The following C5 variants were observed in gnomAD, a reference collection of about 807,000 sequenced individuals.
C5 encodes the protein complement C5, also known as C3 and PZP-like alpha-2-macroglobulin domain-containing protein 4.
C5 carries 140 observed loss-of-function variants against 218.8 expected under a neutral mutation model. That is an observed-to-expected ratio of 0.64 (90% CI 0.56 to 0.74). The LOEUF (loss-of-function observed/expected upper bound fraction) is 0.74. Among genes scored for constraint, C5 ranks in the 30% least tolerant of loss-of-function variants. The pLI, the probability that C5 is intolerant of heterozygous loss-of-function variation, is 0.00. For missense variants in C5, 1,700 were observed against 1,969.6 expected (o/e 0.86, Z 2.59); for synonymous variants, 614 against 682.3 (o/e 0.90, Z 1.56).
chr9:121,063,479 A>G, the C5 span, among the ~76,000 whole-genome samples: 1 of 151,994 alleles, frequency 6.6e-6, no homozygotes, highest in Non-Finnish European at 1.5e-5. Flanking sequence ...CATACTGAAA[A>G]TATCTCACGT....
chr9:121,034,651 C>A, intron 5 of C5, 152 bp downstream of exon 5: 3 of 567,190 alleles, frequency 5.3e-6, no homozygotes, highest in South Asian at 4.7e-5. Context: ...TTGCCAAGAA[C>A]AGAGCTTAAG....
chr9:121,032,131 A>C lies in C5; in HGVS notation c.649T>G (p.Phe217Val), dbSNP rs1274941737. 1 of 1,603,538 alleles carries C rather than the reference A, an allele frequency of 6.2e-7. No homozygotes were observed. The highest frequency in any genetic ancestry group is 1.7e-5 in the Admixed American group (1 of 60,000). The change falls in exon 6 of 41, where the codon TTT becomes GTT. Residue 217 changes from phenylalanine (F) to valine (V), a missense_variant. Transcript: ENST00000223642. Reference protein sequence around the residue: ...EDFSTTGTAYFEVKEYVLPHF... With the variant: ...EDFSTTGTAYVEVKEYVLPHF... The stretch of plus-strand genomic sequence containing the variant: ...AAATTACCATATTCTTTAACTTCAA[A>C]ATATGCGGTTCCAGTTGTTGAAAAG...
At chr9:121,066,332 AAG>A in the C5 span, among the ~76,000 whole-genome samples, 2 of 149,880 alleles carry the variant, frequency 1.3e-5, no homozygotes, top group African/African-American at 4.9e-5. Flanking sequence ...AAAAAAAAAA[AAG>A]GTATACATCA....
At chr9:120,997,005 T>C (rs1360893565) in intron 21 of C5, among the ~76,000 whole-genome samples, 1 of 152,016 alleles carries the variant, frequency 6.6e-6, no homozygotes, top group Non-Finnish European at 1.5e-5. Flanking sequence ...TGTGGGTAAA[T>C]TGTACTTAAC....
At position 121,008,233 on chromosome 9, in the gene C5, A is replaced by G. The variant is rs2047232160; in HGVS notation, c.2348+175T>C. Among the ~76,000 whole-genome samples, 3 of 152,336 alleles carry G rather than the reference A, an allele frequency of 2.0e-5. No individual in the cohort carries two copies. In the South Asian group the frequency reaches 6.2e-4, roughly 32 times the overall value. ...GGAGCCAATCACCAGTACGATGTAT[A>G]TTAAAAAAATAAAAATTTAAAAAAG... is the stretch of plus-strand genomic sequence containing the variant. On this transcript the variant is annotated intron_variant, in intron 18 of 40. Coordinates refer to ENST00000223642, the MANE Select transcript of C5 (RefSeq NM_001735.3).
intron 21 of C5, 49 bp downstream of exon 21, chr9:120,997,488 TTCTGTGTCTC>T: frequency 8.1e-7 from 1 of 1,240,644 alleles, no homozygotes. Flanking sequence ...TCCCCCCCCT[TTCTGTGTCTC>T]TCTTTTGCAA....
chr9:121,025,495 T>C lies in C5; in HGVS notation c.959A>G (p.Asn320Ser), dbSNP rs1208932298. Residue 320 changes from asparagine (N) to serine (S), a missense_variant, in exon 9 of 41, where the codon AAC becomes AGC. Asn to Ser is a conservative substitution (Grantham distance 46). Coordinates refer to ENST00000223642, the MANE Select transcript of C5 (RefSeq NM_001735.3). The stretch of plus-strand genomic sequence containing the variant: ...TGTTACAGCAATATAAAGGTACTTG[T>C]TGTTTAAATCTTCTAAACTGTAGTA... ...LSYYSLEDLNNKYLYIAVTVI... is the reference protein window; with the variant it reads ...LSYYSLEDLNSKYLYIAVTVI... 9 of 1,612,596 alleles carry C rather than the reference T, an allele frequency of 5.6e-6. No individual in the cohort carries two copies. Among genetic ancestry groups the C allele is most frequent in the South Asian group, 2.2e-5 (2 of 91,054 alleles).
chr9:120,953,417 T>C (rs2046761121), intron 40 of C5, among the ~76,000 whole-genome samples: 1 of 152,144 alleles, frequency 6.6e-6, no homozygotes, highest in Non-Finnish European at 1.5e-5. Context: ...GATAATACAA[T>C]ACATATTTAC....
At chr9:121,050,616 G>T (rs889978140), upstream of C5, among the ~76,000 whole-genome samples, 3 of 152,120 alleles carry the variant, frequency 2.0e-5, no homozygotes, top group African/African-American at 7.2e-5. Flanking sequence ...CATACATCTG[G>T]CAGGTCCACT....
intron 27 of C5, among the ~76,000 whole-genome samples, chr9:120,981,403 G>C (rs2046991810): frequency 6.6e-6 from 1 of 152,196 alleles, no homozygotes; most frequent in Non-Finnish European, 1.5e-5. Flanking sequence ...GAAGGATTTG[G>C]AGGATACACA....
chr9:121,056,464 GACA>G, the C5 span, among the ~76,000 whole-genome samples: 4 of 152,120 alleles, frequency 2.6e-5, no homozygotes, highest in African/African-American at 9.7e-5. Flanking sequence ...AGATTACTAA[GACA>G]AAGAAGTGTA....
At chr9:121,061,422 G>A in the C5 span, among the ~76,000 whole-genome samples, 1 of 152,066 alleles carries the variant, frequency 6.6e-6, no homozygotes, top group African/African-American at 2.4e-5. Flanking sequence ...GGTGGCATGT[G>A]CCTGAAACCC....
intron 39 of C5, among the ~76,000 whole-genome samples, chr9:120,955,758 T>A (rs188544786): frequency 6.6e-6 from 1 of 152,208 alleles, no homozygotes; most frequent in African/African-American, 2.4e-5. Context: ...AAAATATTAC[T>A]AGAATTTTAA....
chr9:121,032,817 T>A (rs2047487893), intron 5 of C5, among the ~76,000 whole-genome samples: 1 of 152,006 alleles, frequency 6.6e-6, no homozygotes, highest in African/African-American at 2.4e-5. Context: ...CCAGGCAACA[T>A]GATGAAACCC....
intron 1 of C5, among the ~76,000 whole-genome samples, chr9:121,048,080 G>A (rs946571301): frequency 3.3e-5 from 5 of 152,128 alleles, no homozygotes; most frequent in Admixed American, 3.3e-4. Context: ...TCGAACCTGA[G>A]CAGCCCGTTT....
intron 25 of C5, among the ~76,000 whole-genome samples, chr9:120,983,799 TA>T (rs111933422): frequency 0.082 from 11,848 of 145,104 alleles, 481 homozygotes; most frequent in Non-Finnish European, 0.095. Flanking sequence ...TGAGAGAACT[TA>T]AAAAAAAAAA....
chr9:120,983,050 C>T (rs2047006812), intron 25 of C5, among the ~76,000 whole-genome samples: 1 of 152,042 alleles, frequency 6.6e-6, no homozygotes, highest in South Asian at 2.1e-4. Flanking sequence ...AGCACACAAG[C>T]TAAAAATTGA....
upstream of C5, among the ~76,000 whole-genome samples, chr9:121,055,246 T>C (rs1196097441): frequency 2.6e-5 from 4 of 152,154 alleles, no homozygotes; most frequent in Non-Finnish European, 4.4e-5. Flanking sequence ...CTCTTAAGAC[T>C]GTTCCCAAGA....
chr9:121,070,176 G>A, the C5 span, among the ~76,000 whole-genome samples: 1 of 151,760 alleles, frequency 6.6e-6, no homozygotes, highest in Non-Finnish European at 1.5e-5. Flanking sequence ...TGACCAACAT[G>A]GAGAAACCCC....
Sources: gnomAD v4.1 joint callset for allele counts (sites outside exome capture counted in the v4.1 genomes callset) on GRCh38, gnomAD v4.1.1 for gene constraint, MANE v1.5 for transcripts, NCBI Gene and HGNC (gene_info 2026-07-23, HGNC 2026-07-21) for gene names.